PPP2R2C: variants seen among roughly 807,000 people sequenced by gnomAD.
The protein encoded by PPP2R2C is protein phosphatase 2, regulatory subunit B, gamma.
A neutral mutation model predicts 45.3 loss-of-function variants in PPP2R2C; 10 were observed. The observed-to-expected ratio is 0.22, with a 90% CI of 0.14 to 0.37. The LOEUF is 0.37. Ranked by LOEUF, PPP2R2C falls within the 10% of genes least tolerant of loss-of-function variation. PPP2R2C has a pLI of 1.00. For missense variants in PPP2R2C, 308 were observed against 619.7 expected, an observed-to-expected ratio of 0.50 and a Z score of 5.34; for synonymous variants, 257 against 245.4, an observed-to-expected ratio of 1.05 and a Z score of -0.44.
chr4:6,550,515 C>T (rs973301456), intron 1 of PPP2R2C, among the ~76,000 whole-genome samples: 1 of 152,232 alleles, frequency 6.6e-6, no homozygotes, highest in African/African-American at 2.4e-5. Flanking sequence ...GCTTTCCCCT[C>T]ATTCTTCTAG....
chr4:6,387,681 C>T (rs1164386280), intron 1 of PPP2R2C, among the ~76,000 whole-genome samples: 5 of 151,874 alleles, frequency 3.3e-5, no homozygotes, highest in Admixed American at 2.6e-4. Flanking sequence ...GGCATGGTGG[C>T]GGGCGCCTGT....
Position 6,439,798 on chromosome 4 carries a change from G to A in PPP2R2C, c.70+32362C>T, listed in dbSNP as rs548552153. ...AAGTGCCTGGACATGACACTCTCAG[G>A]AGTCCTTACCAACCAAGTCCACACT... is the stretch of plus-strand genomic sequence containing the variant. On this transcript the variant is annotated intron_variant, in intron 1 of 8. Coordinates refer to ENST00000382599, the MANE Select transcript of PPP2R2C (RefSeq NM_020416.4). Among the ~76,000 whole-genome samples, 4 of 152,236 alleles carry A rather than the reference G, an allele frequency of 2.6e-5. No individual in the cohort carries two copies. The East Asian group carries it at 5.8e-4, about 22-fold the overall frequency.
At chr4:6,334,047 C>T (rs996868736) in intron 6 of PPP2R2C, among the ~76,000 whole-genome samples, 9 of 151,966 alleles carry the variant, frequency 5.9e-5, no homozygotes, top group Non-Finnish European at 1.2e-4. Context: ...TGATGTGCTG[C>T]CCTCTACTGC....
intron 1 of PPP2R2C, among the ~76,000 whole-genome samples, chr4:6,403,724 G>A (rs559902043): frequency 5.3e-5 from 8 of 152,244 alleles, no homozygotes; most frequent in Non-Finnish European, 1.0e-4. Context: ...TTAGCTGGGC[G>A]TGGTGGTGGG....
At chr4:6,421,657 A>C (rs2109393479) in intron 1 of PPP2R2C, among the ~76,000 whole-genome samples, 1 of 152,232 alleles carries the variant, frequency 6.6e-6, no homozygotes, top group South Asian at 2.1e-4. Context: ...GAGGGGGCTG[A>C]GAATGACGAG....
intron 5 of PPP2R2C, chr4:6,349,025 C>T: frequency 1.0e-6 from 1 of 985,306 alleles, no homozygotes; most frequent in Non-Finnish European, 1.2e-6. Context: ...CCGGCCCCAG[C>T]ACCTGCTCTT....
intron 2 of PPP2R2C, among the ~76,000 whole-genome samples, chr4:6,529,282 C>G (rs1206301416): frequency 1.3e-5 from 2 of 152,214 alleles, no homozygotes; most frequent in African/African-American, 4.8e-5. Context: ...AGGGATTAAC[C>G]CAGGGATTTC....
chr4:6,547,703 G>A (rs781717567), intron 1 of PPP2R2C, among the ~76,000 whole-genome samples: 1 of 152,126 alleles, frequency 6.6e-6, no homozygotes, highest in Non-Finnish European at 1.5e-5. Context: ...ATGGGCCTGG[G>A]GCAGGTGCAA....
intron 1 of PPP2R2C, among the ~76,000 whole-genome samples, chr4:6,412,977 T>C (rs1428879829): frequency 6.6e-6 from 1 of 152,188 alleles, no homozygotes; most frequent in Non-Finnish European, 1.5e-5. Flanking sequence ...TCTAGAACTG[T>C]TAGAAATGTT....
intron 1 of PPP2R2C, among the ~76,000 whole-genome samples, chr4:6,551,859 G>A (rs546650996): frequency 6.6e-5 from 10 of 152,334 alleles, no homozygotes; most frequent in Admixed American, 4.6e-4. Context: ...GAATCACCCA[G>A]CTGAGCCCTT....
intron 1 of PPP2R2C, among the ~76,000 whole-genome samples, chr4:6,467,715 G>T (rs1049813221): frequency 6.6e-6 from 1 of 152,160 alleles, no homozygotes; most frequent in African/African-American, 2.4e-5. Flanking sequence ...TGCAAGTAAC[G>T]GAGACTTGAA....
At chr4:6,513,799 C>T (rs982107000) in intron 2 of PPP2R2C, among the ~76,000 whole-genome samples, 2 of 151,508 alleles carry the variant, frequency 1.3e-5, no homozygotes, top group Middle Eastern at 3.4e-3. Flanking sequence ...AGGGAAGGGC[C>T]CCCAGAGGCC....
rs1052837264 is a variant in PPP2R2C at position 6,328,929 on chromosome 4, G to A, written c.1052+333C>T. On this transcript the variant is annotated intron_variant, in intron 8 of 8. Transcript: ENST00000382599. The surrounding 1 kb of genome is among the most constrained non-coding windows in gnomAD (Gnocchi z 4.4). ...ATGGATGATGGTGACCGGGTGCTGG[G>A]CTATAGCCCTCGCCCCCGACAAGCT... Among the ~76,000 whole-genome samples the A allele has an allele frequency of 1.3e-5, 2 of 151,174 alleles. No homozygotes were observed. Among genetic ancestry groups the A allele is most frequent in the African/African-American group, 4.9e-5 (2 of 41,102 alleles).
At chr4:6,377,870 C>T (rs1294295355) in intron 3 of PPP2R2C, among the ~76,000 whole-genome samples, 1 of 152,144 alleles carries the variant, frequency 6.6e-6, no homozygotes, top group Non-Finnish European at 1.5e-5. Flanking sequence ...CTGAGGGGTA[C>T]ATGCTCCTCC....
At chr4:6,484,947 C>T (rs13109678) in intron 2 of PPP2R2C, among the ~76,000 whole-genome samples, 34,991 of 151,580 alleles carry the variant, frequency 0.23, 5,067 homozygotes, top group Admixed American at 0.36. Flanking sequence ...CTAGCTATAA[C>T]GTCGAGAAGA....
intron 1 of PPP2R2C, among the ~76,000 whole-genome samples, chr4:6,395,595 C>G (rs961672695): frequency 6.6e-6 from 1 of 152,186 alleles, no homozygotes; most frequent in African/African-American, 2.4e-5. Flanking sequence ...GGACCCCCCA[C>G]AGCGGGGGCT....
chr4:6,347,243 TCA>T (rs1414057765), intron 6 of PPP2R2C, among the ~76,000 whole-genome samples: 1 of 152,178 alleles, frequency 6.6e-6, no homozygotes, highest in African/African-American at 2.4e-5. Context: ...AGGGCTGGGC[TCA>T]GAGTGAGTGT....
chr4:6,514,193 T>C (rs1271328778), intron 2 of PPP2R2C, among the ~76,000 whole-genome samples: 2 of 152,210 alleles, frequency 1.3e-5, no homozygotes, highest in African/African-American at 4.8e-5. Flanking sequence ...GGTGACAATG[T>C]TGTGCAACCA....
At chr4:6,535,334 C>G in exon 2 of PPP2R2C, 1 of 1,535,254 alleles carries the variant, frequency 6.5e-7, no homozygotes, top group Non-Finnish European at 8.7e-7. Flanking sequence ...AGAGAGGTGA[C>G]TAACACAGGT....
Sources: gnomAD v4.1 joint callset for allele counts (sites outside exome capture counted in the v4.1 genomes callset) on GRCh38, gnomAD v4.1.1 for gene constraint, Gnocchi (gnomAD v3.1) non-coding constraint, MANE v1.5 for transcripts, NCBI Gene and HGNC (gene_info 2026-07-23, HGNC 2026-07-21) for gene names.